Variants in GPHN observed in about 807,000 individuals in gnomAD.
GPHN encodes the protein gephyrin.
GPHN carries 17 observed loss-of-function variants against 95.5 expected under a neutral mutation model. The ratio of observed to expected loss-of-function variants is 0.18; its 90% confidence interval spans 0.12 to 0.27. The LOEUF is 0.27. Among genes scored for constraint, GPHN ranks in the 10% least tolerant of loss-of-function variants. The pLI, the probability that GPHN is intolerant of heterozygous loss-of-function variation, is 1.00. For synonymous variants in GPHN, 320 were observed against 322.5 expected (o/e 0.99, Z 0.08); for missense variants, 660 against 978.1 (o/e 0.67, Z 4.34).
intron 4 of GPHN, among the ~76,000 whole-genome samples, chr14:66,866,827 C>A (rs1317972741): frequency 6.6e-6 from 1 of 152,082 alleles, no homozygotes; most frequent in Non-Finnish European, 1.5e-5. Context: ...AACATTAGAA[C>A]CTTAGCTGGC....
At chr14:67,207,487 A>G in the GPHN span, among the ~76,000 whole-genome samples, 1 of 152,122 alleles carries the variant, frequency 6.6e-6, no homozygotes, top group African/African-American at 2.4e-5. Flanking sequence ...CACTAGGCCC[A>G]CTTCCAACAT....
At chr14:66,672,925 G>A (rs1030664547) in intron 1 of GPHN, among the ~76,000 whole-genome samples, 1 of 152,050 alleles carries the variant, frequency 6.6e-6, no homozygotes, top group Non-Finnish European at 1.5e-5. Flanking sequence ...ATTGATGTAG[G>A]TGAATTAATA....
At chr14:67,461,463 G>C in the GPHN span, among the ~76,000 whole-genome samples, 4 of 152,168 alleles carry the variant, frequency 2.6e-5, no homozygotes, top group African/African-American at 9.7e-5. Context: ...GAGAAAGAGG[G>C]TGGTTGCAAT....
At chr14:67,315,268 ATTTTTTT>A in the GPHN span, among the ~76,000 whole-genome samples, 66 of 101,586 alleles carry the variant, frequency 6.5e-4, no homozygotes, top group Admixed American at 1.3e-3. Flanking sequence ...CTTATTTTTA[ATTTTTTT>A]TTTTTTTTTT....
the GPHN span, among the ~76,000 whole-genome samples, chr14:67,441,327 A>G: frequency 6.6e-6 from 1 of 152,148 alleles, no homozygotes; most frequent in East Asian, 1.9e-4. Context: ...TTTGTGACAG[A>G]CAGCAGAGGT....
chr14:66,977,776 A>T (rs1234038592), intron 9 of GPHN, among the ~76,000 whole-genome samples: 1 of 152,232 alleles, frequency 6.6e-6, no homozygotes, highest in Non-Finnish European at 1.5e-5. Flanking sequence ...AAAACCAGGA[A>T]AATATACATA....
At chr14:66,540,874 A>C (rs1040844526) in intron 1 of GPHN, among the ~76,000 whole-genome samples, 2 of 152,118 alleles carry the variant, frequency 1.3e-5, no homozygotes, top group Admixed American at 1.3e-4. Flanking sequence ...CCTGGGTTCA[A>C]GTGATCCTCA....
the GPHN span, among the ~76,000 whole-genome samples, chr14:67,357,207 C>T: frequency 6.6e-6 from 1 of 152,216 alleles, no homozygotes; most frequent in Non-Finnish European, 1.5e-5. Flanking sequence ...AGTAACATCA[C>T]AGAATAATAC....
At position 66,585,309 on chromosome 14, in the gene GPHN, A is replaced by G. The variant is rs1040340504; in HGVS notation, c.64+76718A>G. Reference sequence around the variant, plus strand: ...TCTTTATTAGTCTTGCTAGCGGTCTATCAATTTTGTTGATCTTTTCAAAAA... The same window carrying G: ...TCTTTATTAGTCTTGCTAGCGGTCTGTCAATTTTGTTGATCTTTTCAAAAA... On this transcript the variant is annotated intron_variant, in intron 1 of 22. Transcript: ENST00000478722. Among the ~76,000 whole-genome samples the G allele has an allele frequency of 9.2e-5, 14 of 152,128 alleles. No individual in the cohort carries two copies. The East Asian group carries it at 1.5e-3, about 17-fold the overall frequency.
At chr14:66,518,717 G>A (rs1331331653) in intron 1 of GPHN, among the ~76,000 whole-genome samples, 1 of 152,090 alleles carries the variant, frequency 6.6e-6, no homozygotes, top group Non-Finnish European at 1.5e-5. Flanking sequence ...TATATTAAGT[G>A]AAATAAGCCA....
chr14:67,589,668 T>A, the GPHN span: 3,126 of 990,634 alleles, frequency 3.2e-3, 1 homozygote, highest in South Asian at 6.7e-3. Context: ...GGGCTTGTTT[T>A]TTTCGTAACT....
chr14:67,718,686 C>T, the GPHN span, among the ~76,000 whole-genome samples: 6 of 152,216 alleles, frequency 3.9e-5, no homozygotes, highest in Non-Finnish European at 7.3e-5. Flanking sequence ...TCATCTCTTT[C>T]TCTCTGTGAC....
At chr14:66,708,513 A>G (rs2069308506) in intron 2 of GPHN, among the ~76,000 whole-genome samples, 1 of 152,008 alleles carries the variant, frequency 6.6e-6, no homozygotes, top group South Asian at 2.1e-4. Flanking sequence ...TCCACCAACC[A>G]TTTTCTGGAC....
intron 12 of GPHN, among the ~76,000 whole-genome samples, chr14:67,093,706 G>T (rs532581656): frequency 6.6e-6 from 1 of 152,096 alleles, no homozygotes; most frequent in South Asian, 2.1e-4. Flanking sequence ...TCTTACTCAT[G>T]TATCCTATGC....
At chr14:67,635,054 C>T in the GPHN span, among the ~76,000 whole-genome samples, 11 of 151,970 alleles carry the variant, frequency 7.2e-5, no homozygotes, top group East Asian at 5.8e-4. Context: ...AGACCAGCCT[C>T]GGTAAAATGG....
the GPHN span, among the ~76,000 whole-genome samples, chr14:67,440,629 G>A: frequency 6.6e-6 from 1 of 152,136 alleles, no homozygotes; most frequent in African/African-American, 2.4e-5. Context: ...GTGCATGTCT[G>A]TAGTCTCAGC....
chr14:67,380,590 A>G, the GPHN span: 9 of 777,562 alleles, frequency 1.2e-5, no homozygotes, highest in Non-Finnish European at 1.8e-5. Context: ...ATTGTTCCAT[A>G]GTGTTTGGTT....
At chr14:66,648,970 A>G (rs867574074) in intron 1 of GPHN, among the ~76,000 whole-genome samples, 1 of 152,214 alleles carries the variant, frequency 6.6e-6, no homozygotes, top group Non-Finnish European at 1.5e-5. Flanking sequence ...GTTCTGATTC[A>G]GAGGGTTTTG....
the GPHN span, among the ~76,000 whole-genome samples, chr14:67,626,023 G>A: frequency 5.9e-5 from 9 of 152,264 alleles, no homozygotes; most frequent in East Asian, 1.5e-3. Context: ...GGAGGCTGAG[G>A]CGGGCAGATC....
Sources: gnomAD v4.1 joint callset for allele counts (sites outside exome capture counted in the v4.1 genomes callset) on GRCh38, gnomAD v4.1.1 for gene constraint, MANE v1.5 for transcripts, NCBI Gene and HGNC (gene_info 2026-07-23, HGNC 2026-07-21) for gene names.